The following RTN4RL1 variants were observed in gnomAD, a reference collection of about 807,000 sequenced individuals.
RTN4RL1 encodes reticulon 4 receptor like 1.
In RTN4RL1, 7 loss-of-function variants were observed where a neutral mutation model predicts 25.6. The ratio of observed to expected loss-of-function variants is 0.27; its 90% CI spans 0.16 to 0.51. The LOEUF (loss-of-function observed/expected upper bound fraction) is 0.51, where lower values mean the gene tolerates loss of function less well. Ranked by LOEUF, RTN4RL1 falls within the 20% of genes least tolerant of loss-of-function variation. The pLI is 0.97. For missense variants in RTN4RL1, 500 were observed against 615.6 expected, an observed-to-expected ratio of 0.81 and a Z score of 1.99; for synonymous variants, 297 against 288.2, an observed-to-expected ratio of 1.03 and a Z score of -0.31.
intron 1 of RTN4RL1, among the ~76,000 whole-genome samples, chr17:1,978,770 C>T (rs1451098972): frequency 1.3e-5 from 2 of 152,194 alleles, no homozygotes. Flanking sequence ...AAGCTGTTGC[C>T]ATTAGGCACA....
intron 1 of RTN4RL1, among the ~76,000 whole-genome samples, chr17:1,992,612 G>A (rs7225156): frequency 6.6e-6 from 1 of 152,028 alleles, no homozygotes; most frequent in Non-Finnish European, 1.5e-5. Context: ...CCTGTCTCGC[G>A]GGTGGCTGGG....
intron 1 of RTN4RL1, among the ~76,000 whole-genome samples, chr17:1,989,968 A>G (rs1045159493): frequency 6.6e-6 from 1 of 152,180 alleles, no homozygotes; most frequent in Non-Finnish European, 1.5e-5. Context: ...AAAAAAAAAC[A>G]AAACAAAAAA....
Position 1,994,563 on chromosome 17 carries a change from A to T in RTN4RL1, c.13+30290T>A, listed in dbSNP as rs986393407. On this transcript the variant is annotated intron_variant, in intron 1 of 1. Transcript: ENST00000331238. This position sits in a 1 kb window ranked among gnomAD's most constrained non-coding sequence, Gnocchi z 4.3. ...GCTTATCAAACCCACAATTTGGGAGAAGGTCCTGCCACTACCTAACTTCAC... is the reference window on the plus strand; with the variant it reads ...GCTTATCAAACCCACAATTTGGGAGTAGGTCCTGCCACTACCTAACTTCAC... Among the ~76,000 whole-genome samples the T allele has an allele frequency of 6.6e-6, 1 of 152,170 alleles. No homozygotes were observed. The highest frequency in any genetic ancestry group is 2.4e-5 in the African/African-American group (1 of 41,440).
At chr17:2,002,806 G>A (rs1399064829) in intron 1 of RTN4RL1, among the ~76,000 whole-genome samples, 1 of 152,160 alleles carries the variant, frequency 6.6e-6, no homozygotes, top group African/African-American at 2.4e-5. Flanking sequence ...GGAGGCAGGG[G>A]CAGCAGCCAG....
chr17:2,010,969 C>T (rs1466838876), intron 1 of RTN4RL1, among the ~76,000 whole-genome samples: 5 of 151,982 alleles, frequency 3.3e-5, no homozygotes, highest in East Asian at 1.9e-4. Flanking sequence ...AAACGTTTGT[C>T]GGCCGGGCGC....
intron 1 of RTN4RL1, among the ~76,000 whole-genome samples, chr17:2,006,766 A>G (rs1295417434): frequency 6.6e-6 from 1 of 152,206 alleles, no homozygotes; most frequent in Non-Finnish European, 1.5e-5. Context: ...GATTACAGGC[A>G]CATGCCATGA....
At chr17:1,947,555 C>G (rs1183565320) in intron 1 of RTN4RL1, among the ~76,000 whole-genome samples, 1 of 152,240 alleles carries the variant, frequency 6.6e-6, no homozygotes, top group Non-Finnish European at 1.5e-5. Context: ...ACGCCAGGAT[C>G]GCTCTCAGCT....
chr17:2,022,081 G>A (rs1055408887), intron 1 of RTN4RL1, among the ~76,000 whole-genome samples: 14 of 151,412 alleles, frequency 9.2e-5, no homozygotes, highest in East Asian at 4.0e-4. Context: ...TCAGGAGGCC[G>A]AGGTGGGCAG....
chr17:1,956,031 T>C (rs1241424836), intron 1 of RTN4RL1, among the ~76,000 whole-genome samples: 1 of 152,176 alleles, frequency 6.6e-6, no homozygotes, highest in Non-Finnish European at 1.5e-5. Flanking sequence ...TGGAGCTATA[T>C]AAAATTTAAA....
intron 1 of RTN4RL1, among the ~76,000 whole-genome samples, chr17:1,944,659 G>C (rs372355674): frequency 2.0e-4 from 31 of 152,192 alleles, no homozygotes; most frequent in African/African-American, 7.2e-4. Flanking sequence ...GTTTCGTCAT[G>C]TTGGCCAGGC....
chr17:1,949,430 C>T (rs1313214037), intron 1 of RTN4RL1, among the ~76,000 whole-genome samples: 2 of 152,204 alleles, frequency 1.3e-5, no homozygotes, highest in Non-Finnish European at 2.9e-5. Context: ...CTGGTGCTCA[C>T]GGGCAGGCCA....
At chr17:1,961,305 C>T (rs533308302) in intron 1 of RTN4RL1, among the ~76,000 whole-genome samples, 4 of 152,226 alleles carry the variant, frequency 2.6e-5, no homozygotes, top group South Asian at 4.1e-4. Context: ...AGCTGGCCTT[C>T]GGGGTGGAAG....
rs751599612 is a variant in RTN4RL1 at position 1,936,835 on chromosome 17, G to T, written c.987C>A (p.His329Gln). Reference protein sequence around the residue: ...TTTDRAARKEHHSPHGPTRSK... With the variant: ...TTTDRAARKEQHSPHGPTRSK... ...TCCTGGTGGGGCCGTGGGGTGAGTG[G>T]TGTTCCTTGCGGGCGGCCCTGTCGG... Residue 329 changes from histidine (H) to glutamine (Q), a missense_variant, in exon 2 of 2, where the codon CAC becomes CAA. This residue lies in a region of RTN4RL1 where 268 missense variants were observed against 274.5 expected (regional missense o/e 0.98). Transcript: ENST00000331238. 4 of 1,586,430 alleles carry T rather than the reference G, an allele frequency of 2.5e-6. No individual in the cohort carries two copies. The South Asian group carries it at 4.6e-5, about 18-fold the overall frequency.
chr17:2,010,097 G>A lies in RTN4RL1; in HGVS notation c.13+14756C>T, dbSNP rs777983282. Among the ~76,000 whole-genome samples, 4 of 127,534 alleles carry A rather than the reference G, an allele frequency of 3.1e-5. 1 individual carries two copies. Among genetic ancestry groups the A allele is most frequent in the Non-Finnish European group, 6.6e-5 (4 of 60,946 alleles). The allele number at this position is 127,534 out of a possible 152,430, so 83.7% of individuals were successfully genotyped here. ...TCTCTGCCAATCTCCTAAAATAACC[G>A]CTCTCTGGTCACCCTCTGTTCTTCA... is the stretch of plus-strand genomic sequence containing the variant. On this transcript the variant is annotated intron_variant, in intron 1 of 1. Coordinates refer to ENST00000331238, the MANE Select transcript of RTN4RL1 (RefSeq NM_178568.4).
chr17:1,948,271 C>T (rs1332388456), intron 1 of RTN4RL1, among the ~76,000 whole-genome samples: 2 of 152,222 alleles, frequency 1.3e-5, no homozygotes, highest in Non-Finnish European at 2.9e-5. Flanking sequence ...GCCCAGGGCC[C>T]GTGGCCTCTA....
At chr17:1,992,276 G>A (rs1420595956) in intron 1 of RTN4RL1, among the ~76,000 whole-genome samples, 2 of 150,960 alleles carry the variant, frequency 1.3e-5, no homozygotes, top group Non-Finnish European at 2.9e-5. Flanking sequence ...GGAGAATGGC[G>A]TGAACCCGGG....
chr17:1,985,460 C>A (rs572887549), intron 1 of RTN4RL1, among the ~76,000 whole-genome samples: 1 of 152,178 alleles, frequency 6.6e-6, no homozygotes, highest in East Asian at 1.9e-4. Context: ...GAGTCCACCC[C>A]CTCCTGGGTC....
intron 1 of RTN4RL1, among the ~76,000 whole-genome samples, chr17:1,980,091 C>T (rs544774801): frequency 2.0e-5 from 3 of 152,070 alleles, no homozygotes; most frequent in Admixed American, 2.0e-4. Context: ...TGAGACAGGG[C>T]CTCACTCCGT....
intron 1 of RTN4RL1, among the ~76,000 whole-genome samples, chr17:1,980,451 T>C (rs1319609184): frequency 6.6e-6 from 1 of 152,132 alleles, no homozygotes; most frequent in African/African-American, 2.4e-5. Context: ...CATGGGGCTT[T>C]TTAAAAGCTT....
Sources: allele counts gnomAD v4.1 joint callset (sites outside exome capture counted in the v4.1 genomes callset), GRCh38; gene constraint gnomAD v4.1.1; regional missense constraint gnomAD v4.1.1; non-coding constraint Gnocchi (gnomAD v3.1); transcripts MANE v1.5; gene names NCBI Gene and HGNC (gene_info 2026-07-23, HGNC 2026-07-21).